Variants in RFX3 observed in about 807,000 individuals in gnomAD.
The protein encoded by RFX3 is transcription factor RFX3.
In RFX3, 14 loss-of-function variants were observed where a neutral mutation model predicts 98.6. The observed-to-expected ratio is 0.14, with a 90% confidence interval of 0.09 to 0.22. The LOEUF (loss-of-function observed/expected upper bound fraction) is 0.22. Among genes scored for constraint, RFX3 ranks in the 10% least tolerant of loss-of-function variants. The pLI, the probability that RFX3 is intolerant of heterozygous loss-of-function variation, is 1.00. For synonymous variants in RFX3, 383 were observed against 328.4 expected, an observed-to-expected ratio of 1.17 and a Z score of -1.80; for missense variants, 639 against 926.9, an observed-to-expected ratio of 0.69 and a Z score of 4.03.
At chr9:3,410,083 T>C (rs1842323233) in intron 1 of RFX3, among the ~76,000 whole-genome samples, 1 of 151,880 alleles carries the variant, frequency 6.6e-6, no homozygotes, top group African/African-American at 2.4e-5. Flanking sequence ...AGAGCTTCTC[T>C]TAGACGTTTC....
chr9:3,249,341 C>T (rs186310013), intron 14 of RFX3, among the ~76,000 whole-genome samples: 4 of 152,250 alleles, frequency 2.6e-5, no homozygotes, highest in Non-Finnish European at 2.9e-5. Flanking sequence ...ACACAGAAGC[C>T]TTGAATTCTG....
chr9:3,323,258 C>A (rs1396516473), intron 4 of RFX3, among the ~76,000 whole-genome samples: 3 of 152,096 alleles, frequency 2.0e-5, no homozygotes, highest in Non-Finnish European at 4.4e-5. Flanking sequence ...GTCATAGGCA[C>A]TGTGTCGTAT....
chr9:3,393,869 A>G (rs1047260534), intron 2 of RFX3, among the ~76,000 whole-genome samples: 2 of 152,194 alleles, frequency 1.3e-5, no homozygotes, highest in African/African-American at 4.8e-5. Flanking sequence ...AAAATTACCT[A>G]TTGGGTACAA....
intron 16 of RFX3, among the ~76,000 whole-genome samples, chr9:3,228,478 G>A (rs1563766368): frequency 6.6e-6 from 1 of 152,174 alleles, no homozygotes; most frequent in Admixed American, 6.5e-5. Context: ...GTGAGCCGAG[G>A]AATCTTTTTT....
intron 1 of RFX3, among the ~76,000 whole-genome samples, chr9:3,463,003 C>T (rs1332367749): frequency 2.0e-5 from 3 of 152,048 alleles, no homozygotes; most frequent in Non-Finnish European, 4.4e-5. Flanking sequence ...AACAGATCTA[C>T]AGAGTCAATG....
chr9:3,325,910 A>T (rs936688722), intron 4 of RFX3, among the ~76,000 whole-genome samples: 5 of 152,166 alleles, frequency 3.3e-5, no homozygotes, highest in African/African-American at 1.2e-4. Context: ...TGATATAGTT[A>T]GAAGACAGAT....
At chr9:3,365,522 T>A (rs1836958126) in intron 2 of RFX3, among the ~76,000 whole-genome samples, 1 of 152,074 alleles carries the variant, frequency 6.6e-6, no homozygotes, top group African/African-American at 2.4e-5. Flanking sequence ...AACTTACTAT[T>A]CATCTAAATC....
chr9:3,515,094 T>G (rs1367421871), intron 1 of RFX3, among the ~76,000 whole-genome samples: 1 of 152,168 alleles, frequency 6.6e-6, no homozygotes, highest in African/African-American at 2.4e-5. Context: ...TAAATTCTAA[T>G]GCAAAAACAT....
Position 3,220,329 on chromosome 9 carries a change from T to C in RFX3, c.*4713A>G, listed in dbSNP as rs1178643697. 2 of 149,904 alleles carry C rather than the reference T, an allele frequency of 1.3e-5. No individual in the cohort carries two copies. The highest frequency in any genetic ancestry group is 6.6e-5 in the Admixed American group (1 of 15,226). 9.3% of individuals were successfully genotyped at this position (149,904 alleles called of 1,614,324 possible). A position where few individuals can be genotyped will look rare whatever the true frequency, so the allele number is the denominator to read the frequency against. ...TAAATAAATGAGATCTTTTGATTCA[T>C]TTTGGGAAAAAAAAGACAAAAAAAA... On this transcript the variant is annotated 3_prime_UTR_variant, in exon 17 of 17. Transcript: ENST00000617270.
chr9:3,504,161 TTA>T (rs1215839407), intron 1 of RFX3, among the ~76,000 whole-genome samples: 8 of 93,098 alleles, frequency 8.6e-5, no homozygotes, highest in Non-Finnish European at 1.4e-4. Context: ...ATATTATATA[TTA>T]TATATATTAT....
intron 1 of RFX3, among the ~76,000 whole-genome samples, chr9:3,444,392 A>G (rs913285): frequency 0.069 from 10,481 of 152,206 alleles, 1,053 homozygotes; most frequent in African/African-American, 0.22. Flanking sequence ...AAACAGAAGA[A>G]AAATTGCAAG....
At chr9:3,373,309 A>G (rs1483663737) in intron 2 of RFX3, among the ~76,000 whole-genome samples, 1 of 152,174 alleles carries the variant, frequency 6.6e-6, no homozygotes, top group Non-Finnish European at 1.5e-5. Flanking sequence ...GGCAGCTAAG[A>G]CCACTTAAAA....
At chr9:3,504,850 T>C (rs1242644653) in intron 1 of RFX3, among the ~76,000 whole-genome samples, 2 of 29,682 alleles carry the variant, frequency 6.7e-5, no homozygotes, top group Admixed American at 4.1e-4. Flanking sequence ...ATATATATAT[T>C]ATATATGATA....
intron 2 of RFX3, among the ~76,000 whole-genome samples, chr9:3,368,075 G>T (rs1469400961): frequency 1.3e-5 from 2 of 152,156 alleles, no homozygotes; most frequent in African/African-American, 4.8e-5. Flanking sequence ...CACAATCTCA[G>T]TTCCACTAGC....
intron 1 of RFX3, among the ~76,000 whole-genome samples, chr9:3,431,356 G>C (rs1405241580): frequency 6.6e-6 from 1 of 152,134 alleles, no homozygotes; most frequent in African/African-American, 2.4e-5. Context: ...ACAACAAAAA[G>C]TTGAATTGTT....
chr9:3,270,873 T>C (rs1824340075), intron 10 of RFX3, 130 bp downstream of exon 10: 1 of 1,318,110 alleles, frequency 7.6e-7, no homozygotes, highest in Admixed American at 2.1e-5. Context: ...ATTTCTAGGA[T>C]GGCCAAAACA....
At chr9:3,273,779 C>T (rs541475020) in intron 9 of RFX3, among the ~76,000 whole-genome samples, 4 of 150,582 alleles carry the variant, frequency 2.7e-5, no homozygotes, top group South Asian at 2.1e-4. Context: ...GCAGGAGAAT[C>T]GCTTGAACCC....
intron 1 of RFX3, among the ~76,000 whole-genome samples, chr9:3,411,020 T>C (rs1842421570): frequency 1.3e-5 from 2 of 152,198 alleles, no homozygotes. Flanking sequence ...ATGAAGGAAA[T>C]GATATTCTTG....
intron 1 of RFX3, among the ~76,000 whole-genome samples, chr9:3,400,724 G>T (rs1226069595): frequency 6.6e-6 from 1 of 152,106 alleles, no homozygotes; most frequent in Non-Finnish European, 1.5e-5. Flanking sequence ...TCATAATTTG[G>T]CCTCTCATGT....
Sources: allele counts gnomAD v4.1 joint callset (sites outside exome capture counted in the v4.1 genomes callset), GRCh38; gene constraint gnomAD v4.1.1; transcripts MANE v1.5; gene names NCBI Gene and HGNC (gene_info 2026-07-23, HGNC 2026-07-21).